Variants in PARP1 observed in about 807,000 individuals in gnomAD.
PARP1 encodes the protein poly(ADP-ribose) polymerase 1.
Under a neutral mutation model 118.7 loss-of-function variants are expected in PARP1, and 44 were observed. The ratio of observed to expected loss-of-function variants is 0.37; its 90% CI spans 0.29 to 0.48. PARP1 has a LOEUF of 0.48. PARP1 is among the 20% of genes least tolerant of loss of function. PARP1 has a pLI of 0.99. For synonymous variants in PARP1, 492 were observed against 483.2 expected, an observed-to-expected ratio of 1.02 and a Z score of -0.24; for missense variants, 1,100 against 1,272.4, an observed-to-expected ratio of 0.86 and a Z score of 2.06.
rs955682395 is a variant in PARP1 at position 226,377,030 on chromosome 1, C to T, written c.1941+78G>A. 4 of 1,267,708 alleles carry T rather than the reference C, an allele frequency of 3.2e-6. No homozygotes were observed. The African/African-American group carries it at 5.9e-5, about 19-fold the overall frequency. The allele number at this position is 1,267,708 out of a possible 1,614,324, so 78.5% of individuals were successfully genotyped here. ...TATGTTTACTATGATGCCACCTGAT[C>T]CACGATGTGGATTTTCTAGAATAAG... On this transcript the variant is annotated intron_variant, in intron 13 of 22. Coordinates refer to ENST00000366794, the MANE Select transcript of PARP1 (RefSeq NM_001618.4).
rs750660553 is a variant in PARP1 at position 226,374,346 on chromosome 1, C to T, written c.1950G>A (p.Glu650=). 23 of 1,614,208 alleles carry T rather than the reference C, an allele frequency of 1.4e-5. No homozygotes were observed. The highest frequency in any genetic ancestry group is 1.9e-5 in the Non-Finnish European group (23 of 1,180,030). ...GATTTACTGTCAGCTTCTTCACTGC[C>T]TCTTCATCCTTCAGGAAAAAAGCAC... ...PLEIDYGQDE[E]AVKKLTVNPG... The change falls in exon 14 of 23, where the codon GAG becomes GAA. Residue 650 remains glutamate, a synonymous_variant. Coordinates refer to ENST00000366794, the MANE Select transcript of PARP1 (RefSeq NM_001618.4).
At chr1:226,369,564 G>A (rs1329769136) in intron 15 of PARP1, among the ~76,000 whole-genome samples, 3 of 152,158 alleles carry the variant, frequency 2.0e-5, no homozygotes, top group Non-Finnish European at 4.4e-5. Flanking sequence ...TGAAGTATGC[G>A]GGTCCACTTA....
chr1:226,405,588 G>C (rs1665131804), intron 1 of PARP1, among the ~76,000 whole-genome samples: 1 of 152,102 alleles, frequency 6.6e-6, no homozygotes, highest in African/African-American at 2.4e-5. Flanking sequence ...TTACAAGCAT[G>C]CGCCACCAAG....
Position 226,367,602 on chromosome 1 carries a change from C to G in PARP1, c.2284G>C (p.Val762Leu), listed in dbSNP as rs199498180. Reference protein sequence around the residue: ...LNNADSVQAKVEMLDNLLDIE... With the variant: ...LNNADSVQAKLEMLDNLLDIE... ...TCCAGCAGGTTGTCAAGCATTTCCACCTTGGCCTGGAGGAGCAAAAGAAAG... is the reference window on the plus strand; with the variant it reads ...TCCAGCAGGTTGTCAAGCATTTCCAGCTTGGCCTGGAGGAGCAAAAGAAAG... Residue 762 changes from valine to leucine, a missense_variant, in exon 17 of 23, where the codon GTG becomes CTG. Physicochemically the swap from Val to Leu is conservative, Grantham distance 32 (BLOSUM62 1). This residue lies in a region of PARP1 where 948 missense variants were observed against 1,031.8 expected (regional missense o/e 0.92). Transcript: ENST00000366794. The G allele has an allele frequency of 6.2e-7, 1 of 1,613,996 alleles. No homozygotes were observed. The highest frequency in any genetic ancestry group is 1.7e-5 in the Admixed American group (1 of 59,996).
intron 1 of PARP1, among the ~76,000 whole-genome samples, chr1:226,405,285 ATGT>A (rs1241494612): frequency 1.3e-5 from 2 of 152,020 alleles, no homozygotes; most frequent in African/African-American, 4.8e-5. Flanking sequence ...AAAGCCCAGA[ATGT>A]TGTTATTACT....
At chr1:226,384,239 A>G (rs1664674891) in intron 7 of PARP1, among the ~76,000 whole-genome samples, 1 of 152,218 alleles carries the variant, frequency 6.6e-6, no homozygotes, top group Non-Finnish European at 1.5e-5. Context: ...CCTAAAAAGA[A>G]TGAGCAAGAC....
chr1:226,364,461 A>G (rs1326227738), intron 19 of PARP1: 2 of 340,886 alleles, frequency 5.9e-6, no homozygotes, highest in Non-Finnish European at 1.2e-5. Context: ...CACGAGGTTC[A>G]CAAAGGGTAG....
At chr1:226,395,930 G>GTTA in intron 2 of PARP1, among the ~76,000 whole-genome samples, 1 of 152,326 alleles carries the variant, frequency 6.6e-6, no homozygotes, top group South Asian at 2.1e-4. Context: ...AGAACAGGCA[G>GTTA]TTATTGCTTA....
In PARP1 at chr1:226,383,128, A is replaced by T. The variant is rs1431854371; in HGVS notation, c.1067T>A (p.Ile356Lys). 1 of 1,613,012 alleles carries T rather than the reference A, an allele frequency of 6.2e-7. No individual in the cohort carries two copies. Among genetic ancestry groups the T allele is most frequent in the South Asian group, 1.1e-5 (1 of 91,040 alleles). ...KKLKVKKQDRIFPPETSASVA... is the reference protein window; with the variant it reads ...KKLKVKKQDRKFPPETSASVA... ...GGAGGCGCTGGTTTCTGGGGGGAATATACGGTCCTGTTTTTTAACCTTCAA... is the reference window on the plus strand; with the variant it reads ...GGAGGCGCTGGTTTCTGGGGGGAATTTACGGTCCTGTTTTTTAACCTTCAA... Residue 356 changes from isoleucine (I) to lysine (K), a missense_variant, in exon 8 of 23, where the codon ATA (isoleucine) becomes AAA (lysine). Ile to Lys is a moderately radical substitution (Grantham distance 102). Coordinates refer to ENST00000366794, the MANE Select transcript of PARP1 (RefSeq NM_001618.4).
At position 226,363,871 on chromosome 1, in the gene PARP1, G is replaced by A. The variant is rs1354575858; in HGVS notation, c.2786+72C>T. The A allele has an allele frequency of 3.3e-6, 5 of 1,537,810 alleles. No individual in the cohort carries two copies. In the Admixed American group the frequency reaches 8.4e-5, roughly 26 times the overall value. On this transcript the variant is annotated intron_variant, in intron 20 of 22. Coordinates refer to ENST00000366794, the MANE Select transcript of PARP1 (RefSeq NM_001618.4). ...GGGAATTTCTACTCTCCCAGCCAAG[G>A]GGAGTTCTGCCTATAGCCCATTCCA...
intron 21 of PARP1, 32 bp downstream of exon 21, chr1:226,363,067 G>C (rs200801590): frequency 6.4e-7 from 1 of 1,554,752 alleles, no homozygotes; most frequent in Non-Finnish European, 8.9e-7. Flanking sequence ...AGGGTGCCTC[G>C]GGCTGTAGCA....
intron 7 of PARP1, 98 bp downstream of exon 7, chr1:226,385,406 T>C: frequency 2.1e-6 from 2 of 973,870 alleles, no homozygotes; most frequent in South Asian, 2.6e-5. Flanking sequence ...CTGAGGAACA[T>C]GGCCCTGCAA....
At chr1:226,379,313 T>G in intron 11 of PARP1, 39 bp from the exon 12 acceptor site, 3 of 1,613,276 alleles carry the variant, frequency 1.9e-6, no homozygotes, top group Non-Finnish European at 2.5e-6. Context: ...TTCTCTCCCC[T>G]TGAGGTGCTA....
At chr1:226,401,477 T>C (rs543050294) in intron 2 of PARP1, among the ~76,000 whole-genome samples, 1 of 152,204 alleles carries the variant, frequency 6.6e-6, no homozygotes, top group African/African-American at 2.4e-5. Context: ...GTGGTAACTT[T>C]TAGGTCATCA....
intron 4 of PARP1, among the ~76,000 whole-genome samples, chr1:226,389,953 T>A (rs957099443): frequency 2.0e-5 from 3 of 152,186 alleles, no homozygotes; most frequent in Non-Finnish European, 4.4e-5. Flanking sequence ...AAAACCCTTA[T>A]CATTCTCAAC....
chr1:226,367,066 C>T, intron 17 of PARP1: 2 of 273,862 alleles, frequency 7.3e-6, no homozygotes, highest in East Asian at 1.9e-4. Flanking sequence ...CAGGTGCCAT[C>T]AAGCATTTCC....
chr1:226,379,632 T>C lies in PARP1; in HGVS notation c.1553A>G (p.Lys518Arg). Reference sequence around the variant, plus strand: ...AGTTAATTTCATTCTCTTTTCAGATTTGTTGATACCTTGGAGGAGAACAGA... The same window carrying C: ...AGTTAATTTCATTCTCTTTTCAGATCTGTTGATACCTTGGAGGAGAACAGA... ...KGQVKEEGIN[K>R]SEKRMKLTLK... The change falls in exon 11 of 23, where the codon AAA becomes AGA. Residue 518 changes from lysine (K) to arginine (R), a missense_variant. Lys to Arg is a conservative substitution (Grantham distance 26). Coordinates refer to ENST00000366794, the MANE Select transcript of PARP1 (RefSeq NM_001618.4). The C allele has an allele frequency of 6.2e-7, 1 of 1,609,584 alleles. No individual in the cohort carries two copies. The highest frequency in any genetic ancestry group is 8.5e-7 in the Non-Finnish European group (1 of 1,176,784).
intron 2 of PARP1, 199 bp downstream of exon 2, chr1:226,402,015 A>G (rs1361196473): frequency 6.7e-7 from 1 of 1,493,014 alleles, no homozygotes; most frequent in South Asian, 1.3e-5. Flanking sequence ...GCACCTGGAA[A>G]AACAAAATAC....
intron 1 of PARP1, among the ~76,000 whole-genome samples, chr1:226,404,387 C>T (rs1004436748): frequency 3.3e-5 from 5 of 152,332 alleles, no homozygotes; most frequent in Admixed American, 1.3e-4. Context: ...GCAATGGCCT[C>T]GACCTGGCTC....
Sources: allele counts gnomAD v4.1 joint callset (sites outside exome capture counted in the v4.1 genomes callset), GRCh38; gene constraint gnomAD v4.1.1; regional missense constraint gnomAD v4.1.1; transcripts MANE v1.5; gene names NCBI Gene and HGNC (gene_info 2026-07-23, HGNC 2026-07-21).